SUMF1: variants seen among roughly 807,000 people sequenced by gnomAD.
The protein encoded by SUMF1 is formylglycine-generating enzyme.
In SUMF1, 48 loss-of-function variants were observed where a neutral mutation model predicts 47.6. That is an observed-to-expected ratio of 1.01 (90% CI 0.80 to 1.28). The LOEUF is 1.28. Ranked by LOEUF, SUMF1 falls within the 50% of genes most tolerant of loss-of-function variation. SUMF1 has a pLI of 0.00. For missense variants in SUMF1, 571 were observed against 485.4 expected, an observed-to-expected ratio of 1.18 and a Z score of -1.66; for synonymous variants, 230 against 192.1, an observed-to-expected ratio of 1.20 and a Z score of -1.63.
At chr3:4,181,356 C>A (rs915360582) in intron 8 of SUMF1, among the ~76,000 whole-genome samples, 7 of 152,172 alleles carry the variant, frequency 4.6e-5, no homozygotes, top group Non-Finnish European at 1.0e-4. Context: ...GCTTAAATCA[C>A]TGGCCACCCT....
chr3:4,219,603 C>T (rs114451224), intron 8 of SUMF1, among the ~76,000 whole-genome samples: 2,749 of 152,282 alleles, frequency 0.018, 40 homozygotes, highest in Non-Finnish European at 0.022. Flanking sequence ...TCTTTCCTCA[C>T]CCTCTGGCCT....
chr3:4,108,354 A>G (rs1009503524), intron 8 of SUMF1, among the ~76,000 whole-genome samples: 1 of 152,102 alleles, frequency 6.6e-6, no homozygotes, highest in Non-Finnish European at 1.5e-5. Context: ...TAAGTGGTCA[A>G]TTTTGGAATA....
Position 4,453,101 on chromosome 3 carries a change from C to G in SUMF1, c.271-52G>C, listed in dbSNP as rs560145047. On this transcript the variant is annotated intron_variant, in intron 1 of 8. Transcript: ENST00000272902. Reference sequence around the variant, plus strand: ...GTCATGCATCACAGCCAAGGTGTACCTGTGTAGGGGTAAAGTTCCTAGCAC... The same window carrying G: ...GTCATGCATCACAGCCAAGGTGTACGTGTGTAGGGGTAAAGTTCCTAGCAC... 189 of 1,565,842 alleles carry G rather than the reference C, an allele frequency of 1.2e-4. 2 individuals carry two copies. The African/African-American group carries it at 2.0e-3, about 16-fold the overall frequency.
chr3:4,273,050 G>A lies in SUMF1; in HGVS notation c.1014+103280C>T, dbSNP rs567715169. Among the ~76,000 whole-genome samples the A allele has an allele frequency of 3.4e-3, 506 of 150,810 alleles. 1 individual carries two copies. Among genetic ancestry groups the A allele is most frequent in the Non-Finnish European group, 5.4e-3 (365 of 67,778 alleles). On this transcript the variant is annotated intron_variant and NMD_transcript_variant, in intron 8 of 12. Transcript: ENST00000448413. ...ACTCCAGCCTGGGTGACAGAGTGAG[G>A]CTCTGTCTCCAAAATATATACATAT...
chr3:4,331,745 G>A (rs1266699849), intron 8 of SUMF1, among the ~76,000 whole-genome samples: 1 of 152,162 alleles, frequency 6.6e-6, no homozygotes, highest in Non-Finnish European at 1.5e-5. Flanking sequence ...CAGGAGAATT[G>A]CGTGAACTCA....
chr3:4,230,368 C>T (rs931470964), intron 8 of SUMF1, among the ~76,000 whole-genome samples: 1 of 152,082 alleles, frequency 6.6e-6, no homozygotes, highest in Non-Finnish European at 1.5e-5. Flanking sequence ...TCTGTCTTGG[C>T]AACAAAAGAA....
intron 8 of SUMF1, among the ~76,000 whole-genome samples, chr3:4,156,604 G>T (rs1005905538): frequency 6.6e-6 from 1 of 151,586 alleles, no homozygotes; most frequent in Middle Eastern, 3.2e-3. Flanking sequence ...AGTTTTCTGG[G>T]TGTTAATCCC....
At chr3:4,253,917 A>C (rs1696875341) in intron 8 of SUMF1, among the ~76,000 whole-genome samples, 1 of 150,132 alleles carries the variant, frequency 6.7e-6, no homozygotes, top group South Asian at 2.2e-4. Context: ...TGGAGATCTG[A>C]GAACTGGCAG....
intron 8 of SUMF1, among the ~76,000 whole-genome samples, chr3:4,140,061 T>C (rs1694038523): frequency 6.6e-6 from 1 of 152,024 alleles, no homozygotes; most frequent in Non-Finnish European, 1.5e-5. Context: ...TACACCACTG[T>C]TCTCGCCTAA....
At chr3:4,188,891 A>G (rs1695257481) in intron 8 of SUMF1, among the ~76,000 whole-genome samples, 1 of 152,184 alleles carries the variant, frequency 6.6e-6, no homozygotes, top group African/African-American at 2.4e-5. Flanking sequence ...TTGAGTAAAC[A>G]CTACAATTAA....
At chr3:4,316,310 C>G (rs1698642694) in intron 8 of SUMF1, 1 of 1,147,984 alleles carries the variant, frequency 8.7e-7, no homozygotes, top group Non-Finnish European at 1.3e-6. Flanking sequence ...GCAACATCAA[C>G]AATGCATTTG....
chr3:4,195,816 T>C (rs1695415116), intron 8 of SUMF1, among the ~76,000 whole-genome samples: 1 of 152,134 alleles, frequency 6.6e-6, no homozygotes, highest in South Asian at 2.1e-4. Flanking sequence ...TCTTGAACAC[T>C]AAGAAATAAA....
At chr3:4,042,324 TTTGTTTGC>T (rs1189762186) in intron 9 of SUMF1, among the ~76,000 whole-genome samples, 9 of 152,316 alleles carry the variant, frequency 5.9e-5, no homozygotes, top group South Asian at 4.1e-4. Context: ...AAAGTTTTTT[TTTGTTTGC>T]TTGTTTGCTT....
At chr3:4,222,773 G>A (rs1349245452) in intron 8 of SUMF1, among the ~76,000 whole-genome samples, 1 of 152,098 alleles carries the variant, frequency 6.6e-6, no homozygotes, top group Non-Finnish European at 1.5e-5. Context: ...TTACCCACAG[G>A]ATTCCTGAGT....
chr3:4,288,921 A>G (rs1697688518), intron 8 of SUMF1, among the ~76,000 whole-genome samples: 1 of 152,140 alleles, frequency 6.6e-6, no homozygotes, highest in Non-Finnish European at 1.5e-5. Flanking sequence ...CTTCCTTATT[A>G]TTTACTGTTT....
At chr3:4,140,759 G>A (rs1271093390) in intron 8 of SUMF1, among the ~76,000 whole-genome samples, 3 of 151,906 alleles carry the variant, frequency 2.0e-5, no homozygotes, top group African/African-American at 7.3e-5. Flanking sequence ...CCTTTCAGCA[G>A]AGAATAGTAT....
intron 8 of SUMF1, among the ~76,000 whole-genome samples, chr3:4,073,099 C>A (rs994796373): frequency 6.6e-6 from 1 of 152,162 alleles, no homozygotes; most frequent in Non-Finnish European, 1.5e-5. Context: ...CGTTGGGTTA[C>A]CCACAAAGGG....
At chr3:4,355,511 G>A (rs1699599537) in intron 8 of SUMF1, among the ~76,000 whole-genome samples, 1 of 152,198 alleles carries the variant, frequency 6.6e-6, no homozygotes, top group Admixed American at 6.5e-5. Context: ...CTTCACCACA[G>A]GCACCAAAGT....
intron 8 of SUMF1, among the ~76,000 whole-genome samples, chr3:4,168,732 A>G (rs1346386649): frequency 6.6e-6 from 1 of 152,182 alleles, no homozygotes; most frequent in African/African-American, 2.4e-5. Context: ...TCTAAGATTC[A>G]TCTGTAAAGA....
Sources: gnomAD v4.1 joint callset for allele counts (sites outside exome capture counted in the v4.1 genomes callset) on GRCh38, gnomAD v4.1.1 for gene constraint, MANE v1.5 for transcripts, NCBI Gene and HGNC (gene_info 2026-07-23, HGNC 2026-07-21) for gene names.